NRXN2: variants seen among roughly 807,000 people sequenced by gnomAD.
NRXN2 encodes the protein neurexin-2-beta.
Under a neutral mutation model 128.8 loss-of-function variants are expected in NRXN2, and 29 were observed. The ratio of observed to expected loss-of-function variants is 0.23; its 90% CI spans 0.17 to 0.31. NRXN2 has a LOEUF of 0.31. Among genes scored for constraint, NRXN2 ranks in the 10% least tolerant of loss-of-function variants. NRXN2 has a pLI of 1.00. For missense variants in NRXN2, 1,881 were observed against 2,452.6 expected (o/e 0.77, Z 4.92); for synonymous variants, 1,098 against 1,075.2 (o/e 1.02, Z -0.41).
intron 4 of NRXN2, among the ~76,000 whole-genome samples, chr11:64,692,260 G>T (rs902620965): frequency 6.6e-6 from 1 of 152,192 alleles, no homozygotes; most frequent in Non-Finnish European, 1.5e-5. Context: ...GAAGGCGTGC[G>T]GGTGGGCAGG....
chr11:64,645,726 G>A (rs1175819839), intron 17 of NRXN2, among the ~76,000 whole-genome samples: 1 of 152,104 alleles, frequency 6.6e-6, no homozygotes, highest in Non-Finnish European at 1.5e-5. Context: ...AATTGAGGTG[G>A]TAAGTGGGGA....
chr11:64,688,099 G>GT (rs2053313446), intron 5 of NRXN2, among the ~76,000 whole-genome samples: 1 of 143,586 alleles, frequency 7.0e-6, no homozygotes, highest in Non-Finnish European at 1.5e-5. Flanking sequence ...AACCATGTGA[G>GT]TAAGTGATTG....
Position 64,650,544 on chromosome 11 carries a change from C to T in NRXN2, c.3013G>A (p.Val1005Met). The T allele has an allele frequency of 1.2e-6, 2 of 1,614,166 alleles. No individual in the cohort carries two copies. Among genetic ancestry groups the T allele is most frequent in the South Asian group, 2.2e-5 (2 of 91,086 alleles). Residue 1005 changes from valine to methionine, a missense_variant, in exon 15 of 23, where the codon GTG (valine) becomes ATG (methionine). By Grantham distance (21) the Val-to-Met change is conservative. Coordinates refer to ENST00000265459, the MANE Select transcript of NRXN2 (RefSeq NM_015080.4). The stretch of plus-strand genomic sequence containing the variant: ...ACGTTGCCTGGGTCCCTGGACACCA[C>T]CACGTTGTGCCACTGGTTGTCATTG... ...PVNDNQWHNVVVSRDPGNVHT... is the reference protein window; with the variant it reads ...PVNDNQWHNVMVSRDPGNVHT...
intron 5 of NRXN2, 69 bp from the exon 6 acceptor site, chr11:64,686,016 C>G (rs2052997080): frequency 6.4e-7 from 1 of 1,564,566 alleles, no homozygotes; most frequent in Admixed American, 1.7e-5. Context: ...CTTCCCTCTC[C>G]CCTCCAGCAA....
In NRXN2 at chr11:64,607,425, C is replaced by A. The variant is rs749250657; in HGVS notation, c.4910G>T (p.Gly1637Val). 1 of 1,612,918 alleles carries A rather than the reference C, an allele frequency of 6.2e-7. No individual in the cohort carries two copies. The highest frequency in any genetic ancestry group is 8.5e-7 in the Non-Finnish European group (1 of 1,179,872). The part of the protein sequence containing the change: ...EVIRESSSTT[G>V]MVVGIVAAAA... ...CGCCGCCACAATGCCCACCACCATG[C>A]CCGTGGTGCTGCTGGACTCCCGGAT... is the stretch of plus-strand genomic sequence containing the variant. The change falls in exon 23 of 23, where the codon GGC (glycine) becomes GTC (valine). Residue 1637 changes from glycine to valine, a missense_variant. Transcript: ENST00000265459.
rs2047407140 is a variant in NRXN2, at chr11:64,651,136, A to C, written c.2918+119T>G. 2.1e-6 allele frequency: 3 copies of C among 1,413,938 alleles called. No homozygotes were observed. The highest frequency in any genetic ancestry group is 2.8e-5 in the African/African-American group (2 of 71,354). The allele number at this position is 1,413,938 out of a possible 1,614,324, so 87.6% of individuals were successfully genotyped here. On this transcript the variant is annotated intron_variant, in intron 14 of 22. Transcript: ENST00000265459. The surrounding 1 kb of genome is among the most constrained non-coding windows in gnomAD (Gnocchi z 5.9). ...TCTCGACTTACGGTCGGGGACCTGA[A>C]TCTTGACTTGTGATCTGGGGGGATT... is the stretch of plus-strand genomic sequence containing the variant.
intron 5 of NRXN2, chr11:64,688,706 A>G: frequency 1.0e-6 from 1 of 985,302 alleles, no homozygotes; most frequent in Non-Finnish European, 1.2e-6. Flanking sequence ...TATCTCCCAC[A>G]GTTGGGGAGT....
At chr11:64,633,406 T>A (rs2044220373) in intron 18 of NRXN2, among the ~76,000 whole-genome samples, 1 of 152,214 alleles carries the variant, frequency 6.6e-6, no homozygotes. Flanking sequence ...GTCCTCTTCC[T>A]ATGCCACTCC....
At chr11:64,642,690 C>A (rs771644163) in intron 17 of NRXN2, 3 of 1,534,436 alleles carry the variant, frequency 2.0e-6, no homozygotes, top group African/African-American at 2.8e-5. Context: ...GCAGCAACAG[C>A]GGCAACAGCG....
intron 2 of NRXN2, among the ~76,000 whole-genome samples, chr11:64,703,297 A>G (rs1473952029): frequency 6.6e-6 from 1 of 152,142 alleles, no homozygotes; most frequent in Non-Finnish European, 1.5e-5. Context: ...AACACTTTGC[A>G]TATACTGAGC....
intron 6 of NRXN2, among the ~76,000 whole-genome samples, chr11:64,677,476 C>T (rs1024946069): frequency 1.3e-5 from 2 of 152,138 alleles, no homozygotes; most frequent in Non-Finnish European, 2.9e-5. Flanking sequence ...GCTGACATTC[C>T]GCAGATGAGA....
intron 3 of NRXN2, 70 bp downstream of exon 3, chr11:64,697,705 C>G: frequency 6.3e-7 from 1 of 1,576,864 alleles, no homozygotes; most frequent in Non-Finnish European, 8.7e-7. Flanking sequence ...GGGTAGCCAA[C>G]GACAGTCCCT....
Position 64,648,948 on chromosome 11 carries a change from T to C in NRXN2, c.3110-41A>G, listed in dbSNP as rs1307605243. The C allele has an allele frequency of 6.2e-7, 1 of 1,606,868 alleles. No individual in the cohort carries two copies. The highest frequency in any genetic ancestry group is 1.1e-5 in the South Asian group (1 of 90,906). ...GTCAACCAAGGCATCCAGGTCCCCATTCCCATCCCAAGACAATGGCATCTG... is the reference window on the plus strand; with the variant it reads ...GTCAACCAAGGCATCCAGGTCCCCACTCCCATCCCAAGACAATGGCATCTG... On this transcript the variant is annotated intron_variant, in intron 15 of 22. Coordinates refer to ENST00000265459, the MANE Select transcript of NRXN2 (RefSeq NM_015080.4). The surrounding 1 kb of genome is among the most constrained non-coding windows in gnomAD (Gnocchi z 4.1).
chr11:64,623,727 G>T lies in NRXN2; in HGVS notation c.3848-649C>A. 6.5e-6 allele frequency: 1 copy of T among 154,626 alleles called. No individual in the cohort carries two copies. The highest frequency in any genetic ancestry group is 1.4e-5 in the Non-Finnish European group (1 of 69,582). 9.6% of individuals were successfully genotyped at this position (154,626 alleles called of 1,614,324 possible). On this transcript the variant is annotated intron_variant, in intron 20 of 22. Coordinates refer to ENST00000265459, the MANE Select transcript of NRXN2 (RefSeq NM_015080.4). The surrounding 1 kb of genome is among the most constrained non-coding windows in gnomAD (Gnocchi z 4.9). ...CCCTCTCTTCTCCCGGACTGCCAAGGCCCAGCACTGCCTGGGACCAGGCCC... is the reference window on the plus strand; with the variant it reads ...CCCTCTCTTCTCCCGGACTGCCAAGTCCCAGCACTGCCTGGGACCAGGCCC...
At chr11:64,621,042 C>T (rs1007187012) in intron 21 of NRXN2, among the ~76,000 whole-genome samples, 7 of 151,962 alleles carry the variant, frequency 4.6e-5, no homozygotes, top group Non-Finnish European at 1.0e-4. Flanking sequence ...ATCAAAAGTC[C>T]AGGCAAGAAG....
chr11:64,667,173 AAG>A lies in NRXN2; in HGVS notation c.1798+75_1798+76del, dbSNP rs1448150277. 4.1e-6 allele frequency: 6 copies of A among 1,456,062 alleles called. No homozygotes were observed. In the African/African-American group the frequency reaches 5.6e-5, roughly 14 times the overall value. 90.2% of individuals were successfully genotyped at this position (1,456,062 alleles called of 1,614,324 possible). On this transcript the variant is annotated intron_variant, in intron 9 of 22. Coordinates refer to ENST00000265459, the MANE Select transcript of NRXN2 (RefSeq NM_015080.4). This position sits in a 1 kb window ranked among gnomAD's most constrained non-coding sequence, Gnocchi z 5.6. ...GAAATGGTGTAGAAGAGACCCGCTG[AAG>A]AGAGACGGAGAGGATGTCAGGGCAG...
intron 2 of NRXN2, among the ~76,000 whole-genome samples, chr11:64,699,425 C>CTTTTTTTTTTTTTTTTTTTTTTTTT (rs67776872): frequency 2.2e-5 from 2 of 92,122 alleles, no homozygotes; most frequent in African/African-American, 4.4e-5. Context: ...TAATAGTTTT[C>CTTTTTTTTTTTTTTTTTTTTTTTTT]TTTTTTTTTT....
intron 9 of NRXN2, among the ~76,000 whole-genome samples, chr11:64,664,333 G>C (rs2049469722): frequency 6.6e-6 from 1 of 151,810 alleles, no homozygotes; most frequent in African/African-American, 2.4e-5. Flanking sequence ...AAAAAAATTA[G>C]CTGGGCATGG....
rs771944783 is a variant in NRXN2 at position 64,632,274 on chromosome 11, C to T, written c.3586-1701G>A. Reference sequence around the variant, plus strand: ...CCACATACATATATGCATGCATGCACGCTAACACACAGATGCATGCACACA... The same window carrying T: ...CCACATACATATATGCATGCATGCATGCTAACACACAGATGCATGCACACA... On this transcript the variant is annotated intron_variant, in intron 18 of 22. Transcript: ENST00000265459. The surrounding 1 kb of genome is among the most constrained non-coding windows in gnomAD (Gnocchi z 4.2). 1.3e-4 allele frequency among the ~76,000 whole-genome samples: 20 copies of T among 152,200 alleles called. No homozygotes were observed. Among genetic ancestry groups the T allele is most frequent in the Non-Finnish European group, 2.4e-4 (16 of 68,030 alleles).
Sources: gnomAD v4.1 joint callset for allele counts (sites outside exome capture counted in the v4.1 genomes callset) on GRCh38, gnomAD v4.1.1 for gene constraint, Gnocchi (gnomAD v3.1) non-coding constraint, MANE v1.5 for transcripts, NCBI Gene and HGNC (gene_info 2026-07-23, HGNC 2026-07-21) for gene names.